NRXN1: variants seen among roughly 807,000 people sequenced by gnomAD.
The protein encoded by NRXN1 is neurexin-1.
In NRXN1, 39 loss-of-function variants were observed where a neutral mutation model predicts 150.9. The observed-to-expected ratio is 0.26, with a 90% CI of 0.20 to 0.34. The LOEUF is 0.34. Among genes scored for constraint, NRXN1 ranks in the 10% least tolerant of loss-of-function variants. The pLI is 1.00. For missense variants in NRXN1, 1,815 were observed against 1,949.9 expected (o/e 0.93, Z 1.30); for synonymous variants, 924 against 757.0 (o/e 1.22, Z -3.62).
chr2:50,332,964 A>T (rs973357684), intron 17 of NRXN1, among the ~76,000 whole-genome samples: 1 of 152,266 alleles, frequency 6.6e-6, no homozygotes, highest in Non-Finnish European at 1.5e-5. Context: ...ATTAAAAGTC[A>T]ATCGATAATA....
intron 15 of NRXN1, among the ~76,000 whole-genome samples, chr2:50,495,374 GTGTGTGGTGTGTGT>G (rs1195167974): frequency 5.2e-4 from 4 of 7,718 alleles, no homozygotes; most frequent in African/African-American, 1.9e-3. Context: ...GTGTGTGTGT[GTGTGTGGTGTGTGT>G]GTGTGTGTGT....
intron 18 of NRXN1, among the ~76,000 whole-genome samples, chr2:50,213,633 T>C (rs2063186226): frequency 6.6e-6 from 1 of 151,960 alleles, no homozygotes; most frequent in Admixed American, 6.6e-5. Flanking sequence ...ATTCCATTTC[T>C]AACCCACCGA....
intron 2 of NRXN1, among the ~76,000 whole-genome samples, chr2:50,973,295 A>G (rs910313089): frequency 6.6e-6 from 1 of 152,188 alleles, no homozygotes; most frequent in Non-Finnish European, 1.5e-5. Flanking sequence ...AACACTGGTC[A>G]CAGAAAATGC....
intron 22 of NRXN1, among the ~76,000 whole-genome samples, chr2:49,923,725 T>A (rs951840250): frequency 5.9e-5 from 9 of 152,160 alleles, no homozygotes; most frequent in Non-Finnish European, 8.8e-5. Flanking sequence ...TAAACGTGTG[T>A]GTGTGTGTGT....
intron 5 of NRXN1, among the ~76,000 whole-genome samples, chr2:50,904,010 T>C (rs190384301): frequency 1.7e-4 from 26 of 152,214 alleles, no homozygotes; most frequent in Admixed American, 3.9e-4. Context: ...GAGAAAAGAC[T>C]ATGTCTCTGC....
intron 17 of NRXN1, among the ~76,000 whole-genome samples, chr2:50,256,928 G>A (rs914798085): frequency 2.0e-5 from 3 of 152,028 alleles, no homozygotes; most frequent in African/African-American, 2.4e-5. Flanking sequence ...ATCCTAGGAC[G>A]ACTGAAATGT....
chr2:50,621,273 G>C (rs1361396963), intron 6 of NRXN1, 24 bp from the exon 7 acceptor site: 2 of 1,547,904 alleles, frequency 1.3e-6, no homozygotes, highest in South Asian at 1.2e-5. Flanking sequence ...GGGGGAGAAA[G>C]GAAATTAAAA....
intron 5 of NRXN1, among the ~76,000 whole-genome samples, chr2:50,886,214 C>G (rs1680219811): frequency 6.7e-6 from 1 of 150,130 alleles, no homozygotes; most frequent in South Asian, 2.1e-4. Flanking sequence ...ATAACATGTA[C>G]TAAAAATAAA....
chr2:50,299,127 T>C (rs947327167), intron 17 of NRXN1, among the ~76,000 whole-genome samples: 4 of 152,164 alleles, frequency 2.6e-5, no homozygotes, highest in African/African-American at 9.6e-5. Context: ...TTTATGGATT[T>C]ATTTTTTATA....
intron 22 of NRXN1, among the ~76,000 whole-genome samples, chr2:49,940,178 G>T (rs180937253): frequency 6.6e-6 from 1 of 152,110 alleles, no homozygotes; most frequent in South Asian, 2.1e-4. Context: ...AGAAGATTTG[G>T]GCAACGCATC....
intron 8 of NRXN1, among the ~76,000 whole-genome samples, chr2:50,579,330 T>C (rs146598977): frequency 9.5e-4 from 144 of 152,274 alleles, no homozygotes; most frequent in Non-Finnish European, 5.6e-4. Flanking sequence ...ATTAGACTCC[T>C]AAGGAGACAA....
At chr2:50,524,007 G>A (rs114325229) in intron 12 of NRXN1, among the ~76,000 whole-genome samples, 2,815 of 152,092 alleles carry the variant, frequency 0.019, 39 homozygotes, top group Non-Finnish European at 0.032. Context: ...AAAAGATAAC[G>A]GAAGAAACAA....
chr2:50,307,689 A>C (rs911358871), intron 17 of NRXN1, among the ~76,000 whole-genome samples: 5 of 152,098 alleles, frequency 3.3e-5, no homozygotes, highest in South Asian at 2.1e-4. Context: ...TCAAGTGACT[A>C]TTTTCATGAC....
intron 5 of NRXN1, chr2:50,637,525 G>T (rs1683406457): frequency 6.6e-6 from 1 of 152,238 alleles, no homozygotes; most frequent in South Asian, 2.1e-4. Context: ...GTAACTCACA[G>T]AATAGAAGGA....
chr2:50,561,382 T>C (rs892131948), intron 8 of NRXN1, among the ~76,000 whole-genome samples: 2 of 152,212 alleles, frequency 1.3e-5, no homozygotes, highest in African/African-American at 4.8e-5. Flanking sequence ...ATGTCAGTAA[T>C]GTGAAGTTTC....
chr2:50,930,797 T>C lies in NRXN1; in HGVS notation c.773-4842A>G, dbSNP rs150104351. Among the ~76,000 whole-genome samples, 111 of 152,242 alleles carry C rather than the reference T, an allele frequency of 7.3e-4. 1 individual carries two copies. The highest frequency in any genetic ancestry group is 2.6e-3 in the African/African-American group (108 of 41,558). ...GAAATGAATGCTTCCTGATACGGAA[T>C]TGACAGACAACACTGAGCAGAGTGC... On this transcript the variant is annotated intron_variant, in intron 2 of 22. Coordinates refer to ENST00000401669, the MANE Select transcript of NRXN1 (RefSeq NM_001330078.2).
intron 17 of NRXN1, 56 bp downstream of exon 17, chr2:50,465,386 C>G: frequency 6.6e-7 from 1 of 1,512,156 alleles, no homozygotes; most frequent in South Asian, 1.3e-5. Flanking sequence ...CTTTAGATAT[C>G]AAACAGTAAC....
At chr2:50,970,038 C>T (rs1311705716) in intron 2 of NRXN1, among the ~76,000 whole-genome samples, 1 of 152,112 alleles carries the variant, frequency 6.6e-6, no homozygotes, top group Non-Finnish European at 1.5e-5. Flanking sequence ...AGCCTGCATT[C>T]CTTCCTTCTG....
Position 49,928,403 on chromosome 2 carries a change from T to A in NRXN1, c.4217-6152A>T, listed in dbSNP as rs113691124. ...GTCTCCACCCCACCTAGGAAAGAGT[T>A]GCCTAAAATGATCTCATTAGACCAG... On this transcript the variant is annotated intron_variant, in intron 22 of 22. Transcript: ENST00000401669. Among the ~76,000 whole-genome samples the A allele has an allele frequency of 1.2e-3, 178 of 152,302 alleles. 2 individuals carry two copies. Among genetic ancestry groups the A allele is most frequent in the African/African-American group, 4.1e-3 (169 of 41,574 alleles).
Sources: allele counts gnomAD v4.1 joint callset (sites outside exome capture counted in the v4.1 genomes callset), GRCh38; gene constraint gnomAD v4.1.1; transcripts MANE v1.5; gene names NCBI Gene and HGNC (gene_info 2026-07-23, HGNC 2026-07-21).